Variants in UXS1 observed in about 807,000 individuals in gnomAD.
The protein encoded by UXS1 is UDP-glucuronate decarboxylase 1.
In UXS1, 33 loss-of-function variants were observed where a neutral mutation model predicts 62.6. That is an observed-to-expected ratio of 0.53 (90% CI 0.40 to 0.70). The LOEUF (loss-of-function observed/expected upper bound fraction) is 0.70. Ranked by LOEUF, UXS1 falls within the 30% of genes least tolerant of loss-of-function variation. UXS1 has a pLI of 0.00. For missense variants in UXS1, 434 were observed against 556.3 expected (o/e 0.78, Z 2.21); for synonymous variants, 213 against 206.8 (o/e 1.03, Z -0.26).
At chr2:106,178,395 A>T (rs1684024127) in intron 1 of UXS1, among the ~76,000 whole-genome samples, 1 of 152,210 alleles carries the variant, frequency 6.6e-6, no homozygotes. Flanking sequence ...TATGTTCTTT[A>T]TAACAACAGA....
intron 1 of UXS1, among the ~76,000 whole-genome samples, chr2:106,167,180 A>C (rs77116485): frequency 0.021 from 3,267 of 152,276 alleles, 47 homozygotes; most frequent in Admixed American, 0.051. Context: ...ATGAGCACTC[A>C]CTTTAAGTTA....
intron 2 of UXS1, among the ~76,000 whole-genome samples, chr2:106,165,112 T>C (rs1282491958): frequency 6.6e-6 from 1 of 152,144 alleles, no homozygotes; most frequent in Non-Finnish European, 1.5e-5. Context: ...TCTGTAGGAG[T>C]ATGTGTTTGT....
rs143354297 is a variant in UXS1 at position 106,154,844 on chromosome 2, G to T, written c.291+3214C>A. 6.8e-3 allele frequency among the ~76,000 whole-genome samples: 1,028 copies of T among 152,262 alleles called. 10 individuals are homozygous for T. Among genetic ancestry groups the T allele is most frequent in the African/African-American group, 0.024 (994 of 41,540 alleles). On this transcript the variant is annotated intron_variant, in intron 5 of 14. Coordinates refer to ENST00000283148, the MANE Select transcript of UXS1 (RefSeq NM_001253875.2). ...GATGGCACATGTATTAGTTCATTTT[G>T]TGCTGCCATAAAGGAATACCTGAAG...
rs768679247 is a variant in UXS1, at chr2:106,096,836, GA to G, written c.1043-16del. The G allele has an allele frequency of 2.6e-5, 41 of 1,563,370 alleles. No individual in the cohort carries two copies. The African/African-American group carries it at 2.7e-4, about 10-fold the overall frequency. Reference sequence around the variant, plus strand: ...ACTTCCGCTACCTGAGATGTTTAAAGAAAAAAAAGGTAGGAGAGAATCACAA... The same window carrying G: ...ACTTCCGCTACCTGAGATGTTTAAAGAAAAAAAGGTAGGAGAGAATCACAA... On this transcript the variant is annotated splice_polypyrimidine_tract_variant and intron_variant, in intron 13 of 14. Coordinates refer to ENST00000283148, the MANE Select transcript of UXS1 (RefSeq NM_001253875.2).
chr2:106,123,436 A>C (rs1679683026), intron 8 of UXS1, among the ~76,000 whole-genome samples: 1 of 152,222 alleles, frequency 6.6e-6, no homozygotes, highest in South Asian at 2.1e-4. Context: ...GTTTTGTTTT[A>C]TATTTATAAA....
intron 1 of UXS1, among the ~76,000 whole-genome samples, chr2:106,193,587 C>T (rs939483373): frequency 3.3e-5 from 5 of 152,118 alleles, no homozygotes; most frequent in African/African-American, 9.7e-5. Context: ...AATGGGGATG[C>T]CGGTGCGCCC....
At chr2:106,095,020 C>G (rs1676961861) in intron 14 of UXS1, among the ~76,000 whole-genome samples, 1 of 152,162 alleles carries the variant, frequency 6.6e-6, no homozygotes, top group African/African-American at 2.4e-5. Flanking sequence ...TTCTTTGGAT[C>G]ATATCCCTCA....
intron 14 of UXS1, 73 bp from the exon 15 acceptor site, chr2:106,094,230 C>T (rs1213962532): frequency 6.3e-7 from 1 of 1,599,866 alleles, no homozygotes; most frequent in African/African-American, 1.4e-5. Context: ...GGAAGTGCCA[C>T]CTTGCAGGAA....
chr2:106,162,296 C>CTCCA (rs1204914769), intron 4 of UXS1, among the ~76,000 whole-genome samples: 1 of 152,182 alleles, frequency 6.6e-6, no homozygotes, highest in Admixed American at 6.5e-5. Context: ...ATTTGTGCTT[C>CTCCA]TCCATCCAGT....
rs971553092 is a variant in UXS1, at chr2:106,186,505, TAC to T, written c.94+7641_94+7642del. The stretch of plus-strand genomic sequence containing the variant: ...ACATGAATATACGTAAATATGTATA[TAC>T]ACACACACACATATATAGGTAAATG... On this transcript the variant is annotated intron_variant, in intron 1 of 14. Coordinates refer to ENST00000283148, the MANE Select transcript of UXS1 (RefSeq NM_001253875.2). Among the ~76,000 whole-genome samples the T allele has an allele frequency of 4.6e-5, 7 of 151,136 alleles. 1 individual carries two copies. The highest frequency in any genetic ancestry group is 4.2e-4 in the South Asian group (2 of 4,802).
chr2:106,121,310 C>T (rs1679499444), intron 9 of UXS1, among the ~76,000 whole-genome samples: 1 of 152,096 alleles, frequency 6.6e-6, no homozygotes, highest in Non-Finnish European at 1.5e-5. Context: ...AATAGGTATA[C>T]CCATAAAGTT....
intron 12 of UXS1, 62 bp downstream of exon 12, chr2:106,100,996 T>C (rs2104839699): frequency 1.3e-6 from 2 of 1,597,286 alleles, no homozygotes; most frequent in South Asian, 1.1e-5. Context: ...GTGCTGCTCA[T>C]GGTTTCACAA....
At chr2:106,163,553 C>T (rs777309428) in intron 4 of UXS1, 114 bp downstream of exon 4, 57 of 637,778 alleles carry the variant, frequency 8.9e-5, no homozygotes, top group Middle Eastern at 5.3e-4. Flanking sequence ...GGGGGAAATG[C>T]GTATACAGAC....
Position 106,194,251 on chromosome 2 carries a change from CCGCGCGGGTCCAGGGCCCTACCG to C in UXS1, c.-33_-11del. The C allele has an allele frequency of 7.0e-7, 1 of 1,422,962 alleles. No individual in the cohort carries two copies. Among genetic ancestry groups the C allele is most frequent in the Non-Finnish European group, 9.3e-7 (1 of 1,080,924 alleles). 88.1% of individuals were successfully genotyped at this position (1,422,962 alleles called of 1,614,324 possible). ...GCGCCTTGCTCACCATCCCCGGGAGCCGCGCGGGTCCAGGGCCCTACCGCGCGGGGGCCCGCCTGCTGCACAAT... is the reference window on the plus strand; with the variant it reads ...GCGCCTTGCTCACCATCCCCGGGAGCCGCGGGGGCCCGCCTGCTGCACAAT... On this transcript the variant is annotated 5_prime_UTR_variant, in exon 1 of 15. Transcript: ENST00000283148.
rs757653680 is a variant in UXS1, at chr2:106,098,601, T to C, written c.1042+115A>G. The stretch of plus-strand genomic sequence containing the variant: ...CTTAAGTATTCCTGATAAAAAGTTC[T>C]GCTTTGATCCAATTCAATTAGCTTG... On this transcript the variant is annotated intron_variant, in intron 13 of 14. Coordinates refer to ENST00000283148, the MANE Select transcript of UXS1 (RefSeq NM_001253875.2). 122 of 824,246 alleles carry C rather than the reference T, an allele frequency of 1.5e-4. 1 individual carries two copies. Among genetic ancestry groups the C allele is most frequent in the Middle Eastern group, 4.8e-4 (2 of 4,130 alleles). The allele number at this position is 824,246 out of a possible 1,614,324, so 51.1% of individuals were successfully genotyped here.
intron 1 of UXS1, among the ~76,000 whole-genome samples, chr2:106,185,859 G>C (rs1332040995): frequency 6.6e-6 from 1 of 152,202 alleles, no homozygotes; most frequent in Admixed American, 6.5e-5. Flanking sequence ...CAAAAGACAA[G>C]AAACCCTGGA....
At chr2:106,098,973 A>C (rs1411366344) in intron 12 of UXS1, among the ~76,000 whole-genome samples, 200 bp from the exon 13 acceptor site, 1 of 152,216 alleles carries the variant, frequency 6.6e-6, no homozygotes, top group Non-Finnish European at 1.5e-5. Context: ...TGCACCATCT[A>C]TACCTTCAGC....
intron 13 of UXS1, among the ~76,000 whole-genome samples, chr2:106,098,512 G>A (rs532307560): frequency 1.1e-4 from 16 of 152,280 alleles, no homozygotes; most frequent in African/African-American, 2.9e-4. Context: ...AACCTGCAAC[G>A]AAAACTGAGG....
intron 10 of UXS1, among the ~76,000 whole-genome samples, chr2:106,105,794 C>T (rs1901470): frequency 0.74 from 111,865 of 152,164 alleles, 41,416 homozygotes; most frequent in South Asian, 0.79. Context: ...CTCCTAAGCG[C>T]GGCATCACAG....
Sources: allele counts gnomAD v4.1 joint callset (sites outside exome capture counted in the v4.1 genomes callset), GRCh38; gene constraint gnomAD v4.1.1; transcripts MANE v1.5; gene names NCBI Gene and HGNC (gene_info 2026-07-23, HGNC 2026-07-21).